The following GSAP variants were observed in gnomAD, a reference collection of about 807,000 sequenced individuals.
The protein encoded by GSAP is gamma-secretase-activating protein.
In GSAP, 118 loss-of-function variants were observed where a neutral mutation model predicts 131.7. That is an observed-to-expected ratio of 0.90 (90% confidence interval 0.77 to 1.04). GSAP has a LOEUF of 1.04. Among genes scored for constraint, GSAP ranks in the 50% least tolerant of loss-of-function variants. GSAP has a pLI of 0.00. For synonymous variants in GSAP, 381 were observed against 363.4 expected (o/e 1.05, Z -0.55); for missense variants, 1,019 against 1,013.2 (o/e 1.01, Z -0.08).
chr7:77,382,565 T>C lies in GSAP; in HGVS notation c.526+9A>G, dbSNP rs753560350. ...GAAATTCCCATATTCCACCTAAAGA[T>C]ACACTTACATTTCTCTTCTGAAATC... On this transcript the variant is annotated intron_variant, in intron 7 of 30. Coordinates refer to ENST00000257626, the MANE Select transcript of GSAP (RefSeq NM_017439.4). 2.7e-5 allele frequency: 39 copies of C among 1,429,350 alleles called. No homozygotes were observed. The highest frequency in any genetic ancestry group is 3.8e-5 in the Non-Finnish European group (38 of 1,011,912). The allele number at this position is 1,429,350 out of a possible 1,614,324, so 88.5% of individuals were successfully genotyped here. A position where few individuals can be genotyped will look rare whatever the true frequency, so the allele number is the denominator to read the frequency against.
At chr7:77,414,838 G>T (rs1374585058) in intron 1 of GSAP, among the ~76,000 whole-genome samples, 1 of 117,204 alleles carries the variant, frequency 8.5e-6, no homozygotes, top group Middle Eastern at 4.9e-3. Flanking sequence ...TCAGACATGT[G>T]GGCGACTTTT....
At chr7:77,335,837 T>A (rs1423326799) in intron 19 of GSAP, among the ~76,000 whole-genome samples, 1 of 152,200 alleles carries the variant, frequency 6.6e-6, no homozygotes, top group Non-Finnish European at 1.5e-5. Flanking sequence ...TAAAGCATCA[T>A]CCAATTTGGC....
chr7:77,311,773 G>GTGAATAGGGAAGGAC (rs1319848445), intron 30 of GSAP, 68 bp downstream of exon 30: 13 of 790,548 alleles, frequency 1.6e-5, no homozygotes, highest in Non-Finnish European at 2.4e-5. Context: ...AGACAAAGAA[G>GTGAATAGGGAAGGAC]TGAATAGGGA....
At position 77,324,825 on chromosome 7, in the gene GSAP, A is replaced by AT. The variant is rs1562902818; in HGVS notation, c.1828-1084_1828-1083insA. ...TTGTCGTGTAAACATTGTTTGCCAT[A>AT]CTTTTTTTTTTTTTTTTTTTTTGCT... On this transcript the variant is annotated intron_variant, in intron 23 of 30. Coordinates refer to ENST00000257626, the MANE Select transcript of GSAP (RefSeq NM_017439.4). Among the ~76,000 whole-genome samples the AT allele has an allele frequency of 2.6e-5, 3 of 114,304 alleles. No homozygotes were observed. In the East Asian group the frequency reaches 7.2e-4, roughly 27 times the overall value. The allele number at this position is 114,304 out of a possible 152,430, so 75.0% of individuals were successfully genotyped here.
chr7:77,401,589 TG>T (rs1801322722), intron 3 of GSAP, among the ~76,000 whole-genome samples: 2 of 151,812 alleles, frequency 1.3e-5, no homozygotes, highest in South Asian at 4.2e-4. Context: ...CTAAAAAAAA[TG>T]GTTAAAAAAA....
intron 27 of GSAP, 70 bp from the exon 28 acceptor site, chr7:77,313,619 T>C: frequency 1.4e-6 from 1 of 735,124 alleles, no homozygotes; most frequent in Non-Finnish European, 2.4e-6. Flanking sequence ...TTAATATTAA[T>C]ACTTGAGTGG....
chr7:77,332,399 A>G (rs762382815), intron 19 of GSAP, among the ~76,000 whole-genome samples: 10 of 152,228 alleles, frequency 6.6e-5, no homozygotes, highest in South Asian at 2.1e-4. Flanking sequence ...GTGTTTCAAT[A>G]CATGCATACA....
At chr7:77,364,953 T>C (rs1319718095) in intron 12 of GSAP, among the ~76,000 whole-genome samples, 1 of 152,122 alleles carries the variant, frequency 6.6e-6, no homozygotes, top group African/African-American at 2.4e-5. Context: ...AAAATGTGGA[T>C]AATATGACTG....
rs781398032 is a variant in GSAP, at chr7:77,333,720, T to C, written c.1546-3353A>G. On this transcript the variant is annotated intron_variant, in intron 19 of 30. Transcript: ENST00000257626. ...AAAGAGGTAGTTAGGGCCAAATCTT[T>C]GAGGGATTCTGAATGCCAAGGTGAT... Among the ~76,000 whole-genome samples, 163 of 152,282 alleles carry C rather than the reference T, an allele frequency of 1.1e-3. 1 individual carries two copies. Among genetic ancestry groups the C allele is most frequent in the Non-Finnish European group, 8.5e-4 (58 of 68,026 alleles).
rs768128181 is a variant in GSAP at position 77,362,652 on chromosome 7, A to T, written c.880T>A (p.Cys294Ser). 1.3e-6 allele frequency: 2 copies of T among 1,559,474 alleles called. No individual in the cohort carries two copies. The highest frequency in any genetic ancestry group is 2.2e-5 in the South Asian group (2 of 89,700). Residue 294 changes from cysteine to serine, a missense_variant, in exon 13 of 31, where the codon TGT becomes AGT. Coordinates refer to ENST00000257626, the MANE Select transcript of GSAP (RefSeq NM_017439.4). ...CVFTNHTGSL[C>S]VCYSPKCASW... The stretch of plus-strand genomic sequence containing the variant: ...GCACACTTCGGGCTGTAACATACAC[A>T]CAAACTTCCTAGAAGAAAAAGGATA...
intron 8 of GSAP, among the ~76,000 whole-genome samples, chr7:77,378,523 A>C (rs77866301): frequency 0.11 from 16,112 of 151,198 alleles, 969 homozygotes; most frequent in African/African-American, 0.17. Flanking sequence ...AAAACAACAA[A>C]AAAAAACAAA....
intron 6 of GSAP, among the ~76,000 whole-genome samples, chr7:77,386,239 A>T (rs1490212783): frequency 6.6e-6 from 1 of 152,240 alleles, no homozygotes; most frequent in Non-Finnish European, 1.5e-5. Context: ...GAAGCAAAAC[A>T]CAAAAGAACA....
At chr7:77,373,775 T>C (rs890131110) in intron 12 of GSAP, among the ~76,000 whole-genome samples, 1 of 152,234 alleles carries the variant, frequency 6.6e-6, no homozygotes, top group African/African-American at 2.4e-5. Context: ...TGTTAAAAGA[T>C]GAAGCAGGTG....
At chr7:77,387,760 A>G (rs1798801312) in intron 5 of GSAP, among the ~76,000 whole-genome samples, 1 of 152,188 alleles carries the variant, frequency 6.6e-6, no homozygotes. Flanking sequence ...GATACTCAAG[A>G]AATGCAAATG....
At chr7:77,342,192 G>A (rs1357005344) in intron 19 of GSAP, among the ~76,000 whole-genome samples, 2 of 152,190 alleles carry the variant, frequency 1.3e-5, no homozygotes, top group Non-Finnish European at 2.9e-5. Flanking sequence ...CATCACCTCA[G>A]AAGCCTCCTG....
intron 24 of GSAP, among the ~76,000 whole-genome samples, chr7:77,323,042 C>T (rs1442655046): frequency 1.3e-5 from 2 of 152,156 alleles, no homozygotes; most frequent in Non-Finnish European, 2.9e-5. Flanking sequence ...TATTTCTAGA[C>T]TCTAAGCAAG....
In GSAP at chr7:77,381,333, T is replaced by C. The variant is rs773099814; in HGVS notation, c.548A>G (p.His183Arg). The C allele has an allele frequency of 1.8e-5, 28 of 1,557,454 alleles. No homozygotes were observed. In the East Asian group the frequency reaches 4.3e-4, roughly 24 times the overall value. Residue 183 changes from histidine to arginine, a missense_variant, in exon 8 of 31, where the codon CAT (histidine) becomes CGT (arginine). Transcript: ENST00000257626. ...TCTATTTCCATCTTCTTGGGCGACATGGATACGAAATTGTTCAATATCTTT... is the reference window on the plus strand; with the variant it reads ...TCTATTTCCATCTTCTTGGGCGACACGGATACGAAATTGTTCAATATCTTT... Reference protein sequence around the residue: ...EEKYIEQFRIHVAQEDGNRVV... With the variant: ...EEKYIEQFRIRVAQEDGNRVV...
At chr7:77,416,434 C>T (rs981125234), upstream of GSAP, 4 of 525,744 alleles carry the variant, frequency 7.6e-6, no homozygotes, top group Admixed American at 4.3e-5. Context: ...TCCTCTCCCC[C>T]GCCCCCTGCT....
At chr7:77,375,603 G>A (rs1253118837) in intron 10 of GSAP, among the ~76,000 whole-genome samples, 2 of 152,160 alleles carry the variant, frequency 1.3e-5, no homozygotes, top group East Asian at 1.9e-4. Context: ...CCAGAACTTT[G>A]GGAGGCCAAG....
Sources: gnomAD v4.1 joint callset for allele counts (sites outside exome capture counted in the v4.1 genomes callset) on GRCh38, gnomAD v4.1.1 for gene constraint, MANE v1.5 for transcripts, NCBI Gene and HGNC (gene_info 2026-07-23, HGNC 2026-07-21) for gene names.